The following DLG2 variants were observed in gnomAD, a reference collection of about 807,000 sequenced individuals.
DLG2 encodes discs large MAGUK scaffold protein 2.
In DLG2, 45 loss-of-function variants were observed where a neutral mutation model predicts 132.5. The ratio of observed to expected loss-of-function variants is 0.34; its 90% CI spans 0.27 to 0.44. The LOEUF is 0.44. Among genes scored for constraint, DLG2 ranks in the 20% least tolerant of loss-of-function variants. DLG2 has a pLI of 1.00. For synonymous variants in DLG2, 424 were observed against 419.6 expected (o/e 1.01, Z -0.13); for missense variants, 1,045 against 1,196.9 (o/e 0.87, Z 1.87).
intron 6 of DLG2, among the ~76,000 whole-genome samples, chr11:84,728,891 G>C (rs549229791): frequency 6.6e-6 from 1 of 152,274 alleles, no homozygotes; most frequent in South Asian, 2.1e-4. Flanking sequence ...GGTGTTTATA[G>C]TATTCTCTGA....
chr11:84,740,222 C>T (rs1032274712), intron 6 of DLG2, among the ~76,000 whole-genome samples: 3 of 151,892 alleles, frequency 2.0e-5, no homozygotes, highest in Non-Finnish European at 2.9e-5. Context: ...TGGAAGCCCC[C>T]GGGGGCAGCA....
At chr11:83,870,157 A>G (rs1402714703) in intron 16 of DLG2, among the ~76,000 whole-genome samples, 2 of 152,316 alleles carry the variant, frequency 1.3e-5, no homozygotes, top group East Asian at 1.9e-4. Flanking sequence ...TACATTTAAG[A>G]GGTACAAGTG....
intron 11 of DLG2, among the ~76,000 whole-genome samples, chr11:84,009,531 T>C (rs2094767345): frequency 6.6e-6 from 1 of 152,076 alleles, no homozygotes; most frequent in Non-Finnish European, 1.5e-5. Context: ...AAAGCTAAGC[T>C]GCCTATTTGT....
chr11:84,974,331 T>C (rs940459875), intron 6 of DLG2, among the ~76,000 whole-genome samples: 9 of 152,318 alleles, frequency 5.9e-5, no homozygotes, highest in African/African-American at 1.7e-4. Flanking sequence ...CAGTTAAGAA[T>C]TGGGAAACTA....
intron 6 of DLG2, among the ~76,000 whole-genome samples, chr11:84,905,680 G>A (rs1271314762): frequency 2.0e-5 from 3 of 152,118 alleles, no homozygotes; most frequent in African/African-American, 7.2e-5. Flanking sequence ...TCCTTCAAAA[G>A]TAAGCATGGG....
chr11:83,607,464 C>T (rs1043068518), intron 19 of DLG2, among the ~76,000 whole-genome samples: 1 of 152,216 alleles, frequency 6.6e-6, no homozygotes, highest in Non-Finnish European at 1.5e-5. Context: ...CCCCGCTGTT[C>T]TCTTTTAGTA....
intron 3 of DLG2, among the ~76,000 whole-genome samples, chr11:85,311,547 T>C (rs1258579833): frequency 6.6e-6 from 1 of 152,112 alleles, no homozygotes; most frequent in Non-Finnish European, 1.5e-5. Context: ...CTTTACATGA[T>C]AATCTGATAA....
At chr11:85,424,407 G>A (rs1413307994) in intron 3 of DLG2, among the ~76,000 whole-genome samples, 1 of 152,174 alleles carries the variant, frequency 6.6e-6, no homozygotes, top group Non-Finnish European at 1.5e-5. Flanking sequence ...ATCCAAGTCA[G>A]AGCTGCAATC....
At chr11:84,081,574 T>C (rs540556350) in intron 10 of DLG2, among the ~76,000 whole-genome samples, 1 of 152,122 alleles carries the variant, frequency 6.6e-6, no homozygotes, top group East Asian at 1.9e-4. Context: ...GAACATATGG[T>C]GTTTGGTTTT....
intron 3 of DLG2, among the ~76,000 whole-genome samples, chr11:85,511,473 AG>A (rs1295889099): frequency 6.6e-6 from 1 of 152,124 alleles, no homozygotes; most frequent in Non-Finnish European, 1.5e-5. Flanking sequence ...CATCTCTCTT[AG>A]AACAGAGATT....
intron 21 of DLG2, among the ~76,000 whole-genome samples, chr11:83,523,923 A>G (rs887791361): frequency 2.0e-5 from 3 of 152,146 alleles, no homozygotes; most frequent in African/African-American, 7.2e-5. Context: ...CTCCCCAACT[A>G]AACAAGCACA....
intron 6 of DLG2, among the ~76,000 whole-genome samples, chr11:84,666,356 C>A (rs755963598): frequency 7.9e-5 from 12 of 152,162 alleles, no homozygotes; most frequent in East Asian, 1.9e-4. Flanking sequence ...ACTACAGCAG[C>A]TTCTGGTCTT....
chr11:85,346,787 A>G (rs1793210), intron 3 of DLG2, among the ~76,000 whole-genome samples: 133,616 of 152,026 alleles, frequency 0.88, 59,131 homozygotes, highest in Non-Finnish European at 0.93. Context: ...AAAACAGTAA[A>G]GGACATCACA....
At chr11:85,152,481 C>T (rs568322139) in intron 5 of DLG2, among the ~76,000 whole-genome samples, 14 of 152,094 alleles carry the variant, frequency 9.2e-5, no homozygotes, top group Non-Finnish European at 1.8e-4. Context: ...TCAAGTGATC[C>T]ACCCACCTTG....
chr11:83,793,967 G>C (rs1164871236), intron 17 of DLG2, among the ~76,000 whole-genome samples: 1 of 152,144 alleles, frequency 6.6e-6, no homozygotes, highest in African/African-American at 2.4e-5. Context: ...ATACATTAGA[G>C]ATGAACCCCG....
rs568601327 is a variant in DLG2, at chr11:85,597,404, T to C, written c.40+1253A>G. Among the ~76,000 whole-genome samples, 14 of 152,178 alleles carry C rather than the reference T, an allele frequency of 9.2e-5. 1 individual carries two copies. The highest frequency in any genetic ancestry group is 3.1e-4 in the African/African-American group (13 of 41,576). ...TCAAAAATTTGATGTTTAAAAATGTTCTCAAAAATATTATCTTTGCTGAAT... is the reference window on the plus strand; with the variant it reads ...TCAAAAATTTGATGTTTAAAAATGTCCTCAAAAATATTATCTTTGCTGAAT... On this transcript the variant is annotated intron_variant, in intron 3 of 27. Transcript: ENST00000376104.
chr11:84,642,046 A>T (rs1711703444), intron 6 of DLG2, among the ~76,000 whole-genome samples: 1 of 145,722 alleles, frequency 6.9e-6, no homozygotes, highest in Non-Finnish European at 1.5e-5. Flanking sequence ...GCATACGTAT[A>T]TATGTATATA....
intron 10 of DLG2, among the ~76,000 whole-genome samples, chr11:84,083,233 T>C (rs2096928768): frequency 6.6e-6 from 1 of 152,132 alleles, no homozygotes; most frequent in African/African-American, 2.4e-5. Context: ...TGAGCTGAGA[T>C]CATGCCACTG....
At chr11:85,061,491 C>G (rs2154159830) in intron 6 of DLG2, among the ~76,000 whole-genome samples, 1 of 151,876 alleles carries the variant, frequency 6.6e-6, no homozygotes, top group Admixed American at 6.6e-5. Flanking sequence ...AGGCATATCC[C>G]TCAGGAGGCA....
Sources: gnomAD v4.1 joint callset for allele counts (sites outside exome capture counted in the v4.1 genomes callset) on GRCh38, gnomAD v4.1.1 for gene constraint, MANE v1.5 for transcripts, NCBI Gene and HGNC (gene_info 2026-07-23, HGNC 2026-07-21) for gene names.